The following DOCK4 variants were observed in gnomAD, a reference collection of about 807,000 sequenced individuals.
DOCK4 encodes dedicator of cytokinesis 4, also known as dedicator of cytokinesis protein 4.
DOCK4 carries 97 observed loss-of-function variants against 268.1 expected under a neutral mutation model. That is an observed-to-expected ratio of 0.36 (90% CI 0.31 to 0.43). The LOEUF (loss-of-function observed/expected upper bound fraction) is 0.43. Among genes scored for constraint, DOCK4 ranks in the 20% least tolerant of loss-of-function variants. The pLI, the probability that DOCK4 is intolerant of heterozygous loss-of-function variation, is 1.00. For synonymous variants in DOCK4, 954 were observed against 887.2 expected (o/e 1.08, Z -1.34); for missense variants, 2,145 against 2,455.7 (o/e 0.87, Z 2.67).
At chr7:112,014,545 T>C (rs1801642766) in intron 1 of DOCK4, among the ~76,000 whole-genome samples, 1 of 152,174 alleles carries the variant, frequency 6.6e-6, no homozygotes, top group African/African-American at 2.4e-5. Context: ...TCACATGTGC[T>C]GAGGTCTGCT....
At position 112,072,769 on chromosome 7, in the gene DOCK4, T is replaced by C. The variant is rs1037297990; in HGVS notation, c.38-68638A>G. 6.6e-5 allele frequency among the ~76,000 whole-genome samples: 10 copies of C among 152,322 alleles called. No homozygotes were observed. The East Asian group carries it at 9.6e-4, about 15-fold the overall frequency. ...AAACTGGTGATCAGCAGCTTCCTGA[T>C]AAGATCTCAGAAGCTGAGCAAGTGG... On this transcript the variant is annotated intron_variant, in intron 1 of 52. Transcript: ENST00000428084.
At chr7:112,162,511 TTCTC>T (rs10551859) in intron 1 of DOCK4, among the ~76,000 whole-genome samples, 52,299 of 140,512 alleles carry the variant, frequency 0.37, 13,496 homozygotes, top group African/African-American at 0.75. Flanking sequence ...GTCTCTTTCT[TTCTC>T]TCTCTCTCTC....
Position 111,844,756 on chromosome 7 carries a change from A to G in DOCK4, c.2736+7T>C, listed in dbSNP as rs374828225. The G allele has an allele frequency of 1.9e-6, 3 of 1,612,204 alleles. No homozygotes were observed. The African/African-American group carries it at 4.0e-5, about 22-fold the overall frequency. On this transcript the variant is annotated splice_region_variant and intron_variant, in intron 25 of 52. Coordinates refer to ENST00000428084, the MANE Select transcript of DOCK4 (RefSeq NM_001363540.2). ...TGTTCCACGTGCCATCTGCTCTATG[A>G]TCTTACAGTGACATCCTGGAACTGG...
At chr7:112,131,747 C>T (rs935457567) in intron 1 of DOCK4, among the ~76,000 whole-genome samples, 1 of 152,068 alleles carries the variant, frequency 6.6e-6, no homozygotes, top group African/African-American at 2.4e-5. Context: ...AGTCTCTGCC[C>T]TTAAAGATGT....
intron 1 of DOCK4, among the ~76,000 whole-genome samples, chr7:112,121,962 A>G (rs770500488): frequency 8.5e-5 from 13 of 152,216 alleles, no homozygotes; most frequent in Non-Finnish European, 1.5e-4. Flanking sequence ...AGTCACTTCT[A>G]TAAGTATTTG....
chr7:111,733,886 T>C (rs771687447), intron 51 of DOCK4, among the ~76,000 whole-genome samples: 12 of 152,200 alleles, frequency 7.9e-5, no homozygotes, highest in Non-Finnish European at 1.0e-4. Context: ...TCTCAAAAAT[T>C]ATTGGTGACT....
At chr7:112,088,373 TA>T (rs576589112) in intron 1 of DOCK4, among the ~76,000 whole-genome samples, 3 of 152,218 alleles carry the variant, frequency 2.0e-5, no homozygotes, top group African/African-American at 4.8e-5. Context: ...TGTTTATAGA[TA>T]AAAAAATGTA....
chr7:111,754,699 G>A (rs1233945810), intron 42 of DOCK4, among the ~76,000 whole-genome samples: 1 of 152,248 alleles, frequency 6.6e-6, no homozygotes, highest in African/African-American at 2.4e-5. Context: ...AGACAGCTGG[G>A]TGGGGTCCCA....
At chr7:111,834,412 G>A (rs927093057) in intron 26 of DOCK4, among the ~76,000 whole-genome samples, 176 bp downstream of exon 26, 1 of 152,096 alleles carries the variant, frequency 6.6e-6, no homozygotes, top group African/African-American at 2.4e-5. Context: ...TTGAGTAATA[G>A]AAATCTTTAA....
At chr7:112,007,941 CTCT>C (rs1800986638) in intron 1 of DOCK4, among the ~76,000 whole-genome samples, 1 of 152,170 alleles carries the variant, frequency 6.6e-6, no homozygotes, top group Non-Finnish European at 1.5e-5. Context: ...AAGTAGCTAT[CTCT>C]TTATACAAAA....
intron 13 of DOCK4, among the ~76,000 whole-genome samples, chr7:111,907,529 G>A (rs1350580848): frequency 6.6e-6 from 1 of 152,062 alleles, no homozygotes; most frequent in Non-Finnish European, 1.5e-5. Flanking sequence ...GTCTGATCTA[G>A]GTCTGGGATA....
At chr7:111,869,728 C>G (rs1806260013) in intron 20 of DOCK4, 73 bp from the exon 21 acceptor site, 1 of 1,254,294 alleles carries the variant, frequency 8.0e-7, no homozygotes, top group Non-Finnish European at 1.2e-6. Context: ...AAATCCAACT[C>G]TTAACTATAT....
chr7:112,185,760 T>C (rs1439124474), intron 1 of DOCK4, among the ~76,000 whole-genome samples: 1 of 152,226 alleles, frequency 6.6e-6, no homozygotes, highest in Non-Finnish European at 1.5e-5. Flanking sequence ...CTACTTAACG[T>C]GTTCCATTCT....
intron 1 of DOCK4, among the ~76,000 whole-genome samples, chr7:112,124,317 T>C (rs1172508341): frequency 6.6e-6 from 1 of 152,224 alleles, no homozygotes; most frequent in Non-Finnish European, 1.5e-5. Context: ...CACTATTGCC[T>C]GACCAAACAT....
rs373281415 is a variant in DOCK4 at position 111,783,933 on chromosome 7, G to A, written c.3448C>T (p.Arg1150Trp). Residue 1150 changes from arginine (R) to tryptophan (W), a missense_variant, in exon 34 of 53, where the codon CGG becomes TGG. Physicochemically the swap from Arg to Trp is moderately radical, Grantham distance 101. Around this residue, in one of 2 missense-constraint regions of DOCK4, gnomAD observed 1,598 missense variants for 1,986.7 expected, o/e 0.80. Transcript: ENST00000428084. ...PYPSLLKKIE[R>W]ETWRESGVSL... ...ACGCCACTTTCCCGCCATGTTTCCC[G>A]CTCAATTTTCTTTAGTAGACTGGAA... 1.9e-5 allele frequency: 31 copies of A among 1,605,076 alleles called. No individual in the cohort carries two copies. Among genetic ancestry groups the A allele is most frequent in the Admixed American group, 8.5e-5 (5 of 58,910 alleles).
chr7:111,847,264 G>A, intron 23 of DOCK4, 138 bp from the exon 24 acceptor site: 5 of 1,085,212 alleles, frequency 4.6e-6, no homozygotes, highest in Non-Finnish European at 6.4e-6. Context: ...AGTTCTACAA[G>A]GTTTATATTG....
At chr7:111,993,642 G>T (rs1799706209) in intron 5 of DOCK4, among the ~76,000 whole-genome samples, 2 of 152,212 alleles carry the variant, frequency 1.3e-5, no homozygotes, top group Admixed American at 1.3e-4. Flanking sequence ...CTTATAGTAA[G>T]TAAATAAATA....
chr7:111,913,597 G>A (rs961223263), intron 13 of DOCK4, among the ~76,000 whole-genome samples: 8 of 151,666 alleles, frequency 5.3e-5, no homozygotes, highest in African/African-American at 1.9e-4. Context: ...TTTTAGTAGA[G>A]ATGGGGTTTC....
chr7:111,753,740 C>G (rs1224211979), intron 42 of DOCK4, among the ~76,000 whole-genome samples: 1 of 152,150 alleles, frequency 6.6e-6, no homozygotes. Flanking sequence ...AGGAGTTAAA[C>G]CAGGAAACCA....
Sources: allele counts gnomAD v4.1 joint callset (sites outside exome capture counted in the v4.1 genomes callset), GRCh38; gene constraint gnomAD v4.1.1; regional missense constraint gnomAD v4.1.1; transcripts MANE v1.5; gene names NCBI Gene and HGNC (gene_info 2026-07-23, HGNC 2026-07-21).